Variants in ACTR6 observed in about 807,000 individuals in gnomAD.
ACTR6 encodes actin-related protein 6.
In ACTR6, 50 loss-of-function variants were observed where a neutral mutation model predicts 52.5. The ratio of observed to expected loss-of-function variants is 0.95; its 90% CI spans 0.76 to 1.20. The LOEUF (loss-of-function observed/expected upper bound fraction) is 1.20, where lower values mean the gene tolerates loss of function less well. ACTR6 is among the 50% of genes most tolerant of loss of function. The pLI, the probability that ACTR6 is intolerant of heterozygous loss-of-function variation, is 0.00. For synonymous variants in ACTR6, 135 were observed against 147.2 expected, an observed-to-expected ratio of 0.92 and a Z score of 0.60; for missense variants, 344 against 472.4, an observed-to-expected ratio of 0.73 and a Z score of 2.52.
intron 1 of ACTR6, among the ~76,000 whole-genome samples, chr12:100,202,744 C>T (rs921058903): frequency 6.6e-6 from 1 of 151,926 alleles, no homozygotes; most frequent in Non-Finnish European, 1.5e-5. Context: ...GTAGTCCCAG[C>T]TACCTGGGAG....
intron 1 of ACTR6, 163 bp downstream of exon 1, chr12:100,201,082 A>G: frequency 1.4e-6 from 2 of 1,457,796 alleles, no homozygotes. Context: ...TGATGCTTTG[A>G]ATTGAAATTG....
Position 100,200,835 on chromosome 12 carries a change from G to A in ACTR6, c.-17G>A, listed in dbSNP as rs764453735. 1.1e-5 allele frequency: 18 copies of A among 1,613,838 alleles called. No individual in the cohort carries two copies. The highest frequency in any genetic ancestry group is 1.4e-5 in the Non-Finnish European group (17 of 1,179,702). On this transcript the variant is annotated 5_prime_UTR_variant, in exon 1 of 11. In the 5' UTR this introduces an upstream ATG that the reference lacks. Coordinates refer to ENST00000188312, the MANE Select transcript of ACTR6 (RefSeq NM_022496.5). ...GAAAGGGAAAACAACTACGGCTGCG[G>A]TGTGGTTGGTGGTGAGATGACGACC...
intron 9 of ACTR6, among the ~76,000 whole-genome samples, chr12:100,219,160 T>TAAAAAAAA (rs563553340): frequency 8.5e-6 from 1 of 117,944 alleles, no homozygotes; most frequent in Non-Finnish European, 1.8e-5. Flanking sequence ...TTCCTCTCAT[T>TAAAAAAAA]AAAAAAAAAA....
At chr12:100,212,866 G>T (rs2096120944) in intron 8 of ACTR6, among the ~76,000 whole-genome samples, 1 of 151,748 alleles carries the variant, frequency 6.6e-6, no homozygotes, top group Non-Finnish European at 1.5e-5. Flanking sequence ...AATTAGCCAG[G>T]TGTGGTGGCA....
chr12:100,208,475 A>G (rs2096116941), intron 4 of ACTR6, among the ~76,000 whole-genome samples: 1 of 151,900 alleles, frequency 6.6e-6, no homozygotes, highest in South Asian at 2.1e-4. Flanking sequence ...GAGTTTAACC[A>G]TGTTGGTCAG....
chr12:100,223,195 G>C (rs1467149643), intron 10 of ACTR6, among the ~76,000 whole-genome samples: 1 of 152,110 alleles, frequency 6.6e-6, no homozygotes, highest in Non-Finnish European at 1.5e-5. Context: ...AAAAAAATTA[G>C]CCATGTGTGG....
At chr12:100,215,528 T>C (rs1000093090) in intron 8 of ACTR6, among the ~76,000 whole-genome samples, 3 of 152,212 alleles carry the variant, frequency 2.0e-5, no homozygotes, top group Admixed American at 2.0e-4. Context: ...TTATGGACTG[T>C]GTGGGCTTCA....
intron 10 of ACTR6, among the ~76,000 whole-genome samples, chr12:100,223,030 T>C (rs1219405346): frequency 1.3e-5 from 2 of 152,186 alleles, no homozygotes; most frequent in Non-Finnish European, 2.9e-5. Context: ...CTGAGCCTCA[T>C]TTTTCAAATC....
At chr12:100,223,706 C>G in intron 10 of ACTR6, 80 bp from the exon 11 acceptor site, 1 of 1,495,666 alleles carries the variant, frequency 6.7e-7, no homozygotes, top group Non-Finnish European at 9.0e-7. Context: ...ACTTTTGCAC[C>G]AACCTAATAG....
At chr12:100,213,806 G>A (rs549573036) in intron 8 of ACTR6, among the ~76,000 whole-genome samples, 3 of 152,232 alleles carry the variant, frequency 2.0e-5, no homozygotes, top group East Asian at 1.9e-4. Context: ...CTGTGGTTAG[G>A]TAAATGTGAA....
intron 2 of ACTR6, 43 bp downstream of exon 2, chr12:100,205,100 A>G (rs943664445): frequency 2.4e-6 from 3 of 1,239,908 alleles, no homozygotes; most frequent in Non-Finnish European, 3.4e-6. Flanking sequence ...TTGTAGACCT[A>G]AATTTAAAGA....
rs936630650 is a variant in ACTR6 at position 100,220,094 on chromosome 12, G to T, written c.1009G>T (p.Val337Phe). Residue 337 changes from valine (V) to phenylalanine (F), a missense_variant, in exon 10 of 11, where the codon GTT (valine) becomes TTT (phenylalanine). Transcript: ENST00000188312. The stretch of plus-strand genomic sequence containing the variant: ...ATTTAGGGATCGGGTTTACTCAGAA[G>T]TTCGATGTCTTACTCCAACAGATTA... ...PGFRDRVYSE[V>F]RCLTPTDYDV... is the part of the protein sequence containing the mutation. 1.9e-6 allele frequency: 3 copies of T among 1,613,854 alleles called. No homozygotes were observed. The highest frequency in any genetic ancestry group is 2.5e-6 in the Non-Finnish European group (3 of 1,179,912).
At chr12:100,201,009 A>ACACC in intron 1 of ACTR6, 90 bp downstream of exon 1, 9 of 1,601,528 alleles carry the variant, frequency 5.6e-6, no homozygotes, top group Non-Finnish European at 7.7e-6. Context: ...TGAACTGCAG[A>ACACC]CACCCCCGCG....
intron 1 of ACTR6, among the ~76,000 whole-genome samples, chr12:100,204,544 T>A (rs534567515): frequency 6.6e-6 from 1 of 152,252 alleles, no homozygotes; most frequent in East Asian, 1.9e-4. Flanking sequence ...TGTTTTTTTT[T>A]AGTAGAGGTA....
rs375554461 is a variant in ACTR6 at position 100,215,598 on chromosome 12, T to C, written c.751-2817T>C. On this transcript the variant is annotated intron_variant, in intron 8 of 10. Coordinates refer to ENST00000188312, the MANE Select transcript of ACTR6 (RefSeq NM_022496.5). ...ATATAATGTGTATTTTAATAGCAGA[T>C]GAGTGGACAAAGTCAGTTGGAACTG... 3.9e-5 allele frequency among the ~76,000 whole-genome samples: 6 copies of C among 152,204 alleles called. No homozygotes were observed. The East Asian group carries it at 5.8e-4, about 15-fold the overall frequency.
At chr12:100,208,403 G>A (rs1566292763) in intron 4 of ACTR6, among the ~76,000 whole-genome samples, 1 of 151,918 alleles carries the variant, frequency 6.6e-6, no homozygotes, top group East Asian at 1.9e-4. Flanking sequence ...AGCCTCCCAA[G>A]TAGCTGGGAT....
chr12:100,214,418 AATC>A (rs1301647551), intron 8 of ACTR6, among the ~76,000 whole-genome samples: 1 of 152,058 alleles, frequency 6.6e-6, no homozygotes, highest in Admixed American at 6.6e-5. Flanking sequence ...ATAAAACTGA[AATC>A]ATCCTTTTAT....
At chr12:100,220,370 G>A (rs1234758196) in intron 10 of ACTR6, among the ~76,000 whole-genome samples, 2 of 152,212 alleles carry the variant, frequency 1.3e-5, no homozygotes, top group African/African-American at 2.4e-5. Context: ...CACAATGGGT[G>A]CTTAATTAAG....
intron 4 of ACTR6, among the ~76,000 whole-genome samples, chr12:100,209,813 AATT>A (rs2096118370): frequency 6.6e-6 from 1 of 152,202 alleles, no homozygotes; most frequent in Non-Finnish European, 1.5e-5. Flanking sequence ...CTGTTGTAGT[AATT>A]CTTTTAAACT....
Sources: gnomAD v4.1 joint callset for allele counts (sites outside exome capture counted in the v4.1 genomes callset) on GRCh38, gnomAD v4.1.1 for gene constraint, MANE v1.5 for transcripts, NCBI Gene and HGNC (gene_info 2026-07-23, HGNC 2026-07-21) for gene names.